Variants in ZMAT3 observed in about 807,000 individuals in gnomAD.
ZMAT3 encodes zinc finger matrin-type protein 3.
A neutral mutation model predicts 32.3 loss-of-function variants in ZMAT3; 17 were observed. The observed-to-expected ratio is 0.53, with a 90% CI of 0.36 to 0.79. ZMAT3 has a LOEUF of 0.79. Among genes scored for constraint, ZMAT3 ranks in the 30% least tolerant of loss-of-function variants. The probability of loss-of-function intolerance (pLI) is 0.00; values close to 1 mark genes in which losing one functional copy is unlikely to be tolerated. For missense variants in ZMAT3, 329 were observed against 359.7 expected (o/e 0.91, Z 0.69); for synonymous variants, 120 against 133.1 (o/e 0.90, Z 0.68).
chr3:179,038,843 G>A (rs754579014), intron 2 of ZMAT3, among the ~76,000 whole-genome samples: 1 of 152,214 alleles, frequency 6.6e-6, no homozygotes, highest in African/African-American at 2.4e-5. Context: ...TGGAAAAACA[G>A]GACACTTCTG....
At chr3:179,057,917 T>C (rs1379367900) in intron 2 of ZMAT3, among the ~76,000 whole-genome samples, 2 of 152,226 alleles carry the variant, frequency 1.3e-5, no homozygotes, top group Non-Finnish European at 2.9e-5. Flanking sequence ...GAAGTAGCTT[T>C]CTAGGACCTA....
In ZMAT3 at chr3:179,027,829, A is replaced by G; in HGVS notation, c.391-17T>C. The G allele has an allele frequency of 6.3e-7, 1 of 1,582,320 alleles. No individual in the cohort carries two copies. The highest frequency in any genetic ancestry group is 1.2e-5 in the South Asian group (1 of 86,154). ...GGAGCCCATCTGACATCAAAGACAC[A>G]AGAAGAAACAAAGTTAAAAAAAATA... On this transcript the variant is annotated splice_polypyrimidine_tract_variant and intron_variant, in intron 3 of 5. Coordinates refer to ENST00000311417, the MANE Select transcript of ZMAT3 (RefSeq NM_022470.4).
At position 179,018,958 on chromosome 3, in the gene ZMAT3, T is replaced by G. The variant is rs1341860524; in HGVS notation, c.*6059A>C. On this transcript the variant is annotated 3_prime_UTR_variant, in exon 6 of 6. Coordinates refer to ENST00000311417, the MANE Select transcript of ZMAT3 (RefSeq NM_022470.4). Reference sequence around the variant, plus strand: ...ATAGGGGTTTGACCCTTTACTCCCCTCTACCTTCTGGTAGAGCAGCTGAAA... The same window carrying G: ...ATAGGGGTTTGACCCTTTACTCCCCGCTACCTTCTGGTAGAGCAGCTGAAA... 1 of 152,064 alleles carries G rather than the reference T, an allele frequency of 6.6e-6. No homozygotes were observed. The highest frequency in any genetic ancestry group is 2.4e-5 in the African/African-American group (1 of 41,408). 9.4% of individuals were successfully genotyped at this position (152,064 alleles called of 1,614,324 possible).
chr3:179,045,663 G>A (rs1720193360), intron 2 of ZMAT3, among the ~76,000 whole-genome samples: 1 of 152,182 alleles, frequency 6.6e-6, no homozygotes, highest in African/African-American at 2.4e-5. Flanking sequence ...TATCAATCCA[G>A]TATAGTGGCT....
At chr3:179,031,462 T>C (rs1259699678) in intron 2 of ZMAT3, among the ~76,000 whole-genome samples, 2 of 151,902 alleles carry the variant, frequency 1.3e-5, no homozygotes, top group Non-Finnish European at 2.9e-5. Context: ...TACACAACCC[T>C]GGGGGTAAAC....
At chr3:179,032,466 G>A (rs1158681085) in intron 2 of ZMAT3, among the ~76,000 whole-genome samples, 7 of 147,180 alleles carry the variant, frequency 4.8e-5, no homozygotes, top group African/African-American at 1.0e-4. Context: ...GCCGCCCATC[G>A]TCTGGGATGT....
Position 179,022,497 on chromosome 3 carries a change from C to G in ZMAT3, c.*2520G>C, listed in dbSNP as rs544994312. On this transcript the variant is annotated 3_prime_UTR_variant, in exon 6 of 6. Transcript: ENST00000311417. ...ACTAGATTTTTAGGTAATCATAGAA[C>G]CAAGCGGCCAGCACTATAATGTTAA... 7 of 151,760 alleles carry G rather than the reference C, an allele frequency of 4.6e-5. No individual in the cohort carries two copies. The East Asian group carries it at 1.4e-3, about 29-fold the overall frequency. 9.4% of individuals were successfully genotyped at this position (151,760 alleles called of 1,614,324 possible).
rs574047418 is a variant in ZMAT3, at chr3:179,021,706, A to G, written c.*3311T>C. The stretch of plus-strand genomic sequence containing the variant: ...ACAAAATGAAACCAACGAAGATCAC[A>G]TATCACTGACTCAGAAGAAACAACA... On this transcript the variant is annotated 3_prime_UTR_variant, in exon 6 of 6. Transcript: ENST00000311417. 6.6e-6 allele frequency: 1 copy of G among 152,358 alleles called. No individual in the cohort carries two copies. Among genetic ancestry groups the G allele is most frequent in the South Asian group, 2.1e-4 (1 of 4,828 alleles). 9.4% of individuals were successfully genotyped at this position (152,358 alleles called of 1,614,324 possible).
chr3:179,052,598 T>C (rs569948309), intron 2 of ZMAT3, among the ~76,000 whole-genome samples: 1 of 152,242 alleles, frequency 6.6e-6, no homozygotes, highest in African/African-American at 2.4e-5. Flanking sequence ...GATTCCTTCC[T>C]TAAAGAACTA....
At chr3:179,026,379 CTT>C (rs1235818885) in intron 5 of ZMAT3, among the ~76,000 whole-genome samples, 128 of 65,886 alleles carry the variant, frequency 1.9e-3, no homozygotes, top group African/African-American at 7.8e-3. Context: ...ATGAATTGTG[CTT>C]TTTTTTTTTT....
chr3:179,058,079 T>C (rs193141117), intron 2 of ZMAT3, among the ~76,000 whole-genome samples: 282 of 152,272 alleles, frequency 1.9e-3, no homozygotes, highest in African/African-American at 5.1e-3. Context: ...AGTAAGGAAA[T>C]TGATGTAGTG....
At chr3:179,056,717 G>A (rs985480260) in intron 2 of ZMAT3, among the ~76,000 whole-genome samples, 40 of 152,194 alleles carry the variant, frequency 2.6e-4, no homozygotes, top group Non-Finnish European at 5.6e-4. Flanking sequence ...AGCCTTCTCA[G>A]TCTTACTCTC....
rs1718731776 is a variant in ZMAT3, at chr3:179,024,305, G to C, written c.*712C>G. The C allele has an allele frequency of 6.6e-6, 1 of 152,162 alleles. No individual in the cohort carries two copies. Among genetic ancestry groups the C allele is most frequent in the African/African-American group, 2.4e-5 (1 of 41,430 alleles). 9.4% of individuals were successfully genotyped at this position (152,162 alleles called of 1,614,324 possible). A position where few individuals can be genotyped will look rare whatever the true frequency, so the allele number is the denominator to read the frequency against. On this transcript the variant is annotated 3_prime_UTR_variant, in exon 6 of 6. Transcript: ENST00000311417. ...ATGATACAGAAAAAAAAATGTCCTG[G>C]GAAAGACCCTAACAGTTTCTAATAA...
At chr3:179,066,523 A>G (rs1261820312) in intron 2 of ZMAT3, among the ~76,000 whole-genome samples, 2 of 152,224 alleles carry the variant, frequency 1.3e-5, no homozygotes, top group Non-Finnish European at 2.9e-5. Flanking sequence ...GTTATAGTGC[A>G]CAACAGAAGA....
chr3:179,025,461 A>T (rs540030332), intron 5 of ZMAT3, among the ~76,000 whole-genome samples: 1 of 152,350 alleles, frequency 6.6e-6, no homozygotes, highest in Non-Finnish European at 1.5e-5. Flanking sequence ...GTAGAGCCAA[A>T]CCCAAATTCC....
chr3:179,055,592 GC>G (rs1459038831), intron 2 of ZMAT3, among the ~76,000 whole-genome samples: 1 of 151,666 alleles, frequency 6.6e-6, no homozygotes, highest in East Asian at 1.9e-4. Flanking sequence ...CCCCGATTAT[GC>G]CCCCTCCAAG....
chr3:179,054,739 C>A (rs57946875), intron 2 of ZMAT3, among the ~76,000 whole-genome samples: 35,097 of 152,068 alleles, frequency 0.23, 4,999 homozygotes, highest in African/African-American at 0.4. Flanking sequence ...TGCTGCTTGC[C>A]GCCATCGCAG....
intron 2 of ZMAT3, among the ~76,000 whole-genome samples, chr3:179,057,101 C>A (rs1171026998): frequency 6.6e-6 from 1 of 152,160 alleles, no homozygotes; most frequent in Non-Finnish European, 1.5e-5. Flanking sequence ...AGACCCGAGG[C>A]CCAACAAGGA....
intron 5 of ZMAT3, among the ~76,000 whole-genome samples, chr3:179,027,129 T>C (rs1718913539): frequency 1.3e-5 from 2 of 152,208 alleles, no homozygotes; most frequent in South Asian, 4.1e-4. Context: ...ATTTTTATCA[T>C]GTCTTTTACA....
Sources: gnomAD v4.1 joint callset for allele counts (sites outside exome capture counted in the v4.1 genomes callset) on GRCh38, gnomAD v4.1.1 for gene constraint, MANE v1.5 for transcripts, NCBI Gene and HGNC (gene_info 2026-07-23, HGNC 2026-07-21) for gene names.